LRRFIP1: variants seen among roughly 807,000 people sequenced by gnomAD.
The protein encoded by LRRFIP1 is LRR binding FLII interacting protein 1, also known as leucine-rich repeat flightless-interacting protein 1.
LRRFIP1 carries 62 observed loss-of-function variants against 104.4 expected under a neutral mutation model. The observed-to-expected ratio is 0.59, with a 90% CI of 0.48 to 0.73. LRRFIP1 has a LOEUF of 0.73. LRRFIP1 is among the 30% of genes least tolerant of loss of function. LRRFIP1 has a pLI of 0.00. For synonymous variants in LRRFIP1, 300 were observed against 299.0 expected, an observed-to-expected ratio of 1.00 and a Z score of -0.03; for missense variants, 796 against 824.5, an observed-to-expected ratio of 0.97 and a Z score of 0.42.
At chr2:237,723,526 T>C (rs759539452) in intron 6 of LRRFIP1, 22 bp from the exon 7 acceptor site, 8 of 1,613,338 alleles carry the variant, frequency 5.0e-6, no homozygotes, top group South Asian at 1.1e-5. Flanking sequence ...GTTTTTTTTT[T>C]CTGCCATCTT....
intron 11 of LRRFIP1, among the ~76,000 whole-genome samples, chr2:237,746,438 A>G (rs961527047): frequency 2.6e-5 from 4 of 152,110 alleles, no homozygotes; most frequent in East Asian, 3.9e-4. Context: ...AATTGCTCCA[A>G]TCATCCTCAC....
At chr2:237,632,486 C>A (rs2082524009) in intron 1 of LRRFIP1, among the ~76,000 whole-genome samples, 1 of 152,248 alleles carries the variant, frequency 6.6e-6, no homozygotes, top group South Asian at 2.1e-4. Flanking sequence ...ATGGGCTCTG[C>A]TTCTGGAACC....
rs540233916 is a variant in LRRFIP1, at chr2:237,637,238, C to T, written c.96+9498C>T. 1.2e-4 allele frequency among the ~76,000 whole-genome samples: 18 copies of T among 152,288 alleles called. No homozygotes were observed. In the East Asian group the frequency reaches 2.7e-3, roughly 23 times the overall value. ...ATCCCAGCACTTTGGGAGACCAAGG[C>T]GGGTGGATCACCTGAGGTCAGATGT... is the stretch of plus-strand genomic sequence containing the variant. On this transcript the variant is annotated intron_variant, in intron 1 of 23. Transcript: ENST00000308482.
At chr2:237,689,061 A>G (rs1431046794) in intron 1 of LRRFIP1, among the ~76,000 whole-genome samples, 1 of 151,938 alleles carries the variant, frequency 6.6e-6, no homozygotes, top group South Asian at 2.1e-4. Flanking sequence ...GAAAAAAAAA[A>G]AAAAGACTGG....
chr2:237,655,825 G>T (rs2086725718), intron 1 of LRRFIP1, among the ~76,000 whole-genome samples: 1 of 152,236 alleles, frequency 6.6e-6, no homozygotes, highest in South Asian at 2.1e-4. Flanking sequence ...CCTCAATGGA[G>T]ATAATTAAAG....
chr2:237,739,630 G>A (rs978344653), intron 11 of LRRFIP1, among the ~76,000 whole-genome samples: 18 of 152,228 alleles, frequency 1.2e-4, no homozygotes, highest in East Asian at 7.7e-4. Context: ...ATCAGACCCC[G>A]ACAGTGTTTA....
chr2:237,641,993 C>T (rs925109241), intron 1 of LRRFIP1, among the ~76,000 whole-genome samples: 9 of 152,118 alleles, frequency 5.9e-5, no homozygotes, highest in African/African-American at 4.8e-5. Flanking sequence ...GGAGACACTT[C>T]GCACACCCAT....
chr2:237,701,244 C>A (rs1177972707), intron 1 of LRRFIP1, among the ~76,000 whole-genome samples: 2 of 152,162 alleles, frequency 1.3e-5, no homozygotes, highest in Non-Finnish European at 2.9e-5. Context: ...TTTGAGGAGA[C>A]CACATGATGA....
At chr2:237,756,675 T>G (rs1188929408) in intron 16 of LRRFIP1, among the ~76,000 whole-genome samples, 1 of 152,238 alleles carries the variant, frequency 6.6e-6, no homozygotes, top group Non-Finnish European at 1.5e-5. Flanking sequence ...ATCCCTAGAT[T>G]TACGAAACAG....
rs2082060112 is a variant in LRRFIP1 at position 237,629,552 on chromosome 2, A to G, written c.96+1812A>G. On this transcript the variant is annotated intron_variant, in intron 1 of 23. Transcript: ENST00000308482. ...AGTGGTATGATCTCGGCTCACTGCA[A>G]CCTCCACCTCCCAGGCTCAAGAGAT... Among the ~76,000 whole-genome samples the G allele has an allele frequency of 1.4e-5, 2 of 143,050 alleles. 1 individual carries two copies. Among genetic ancestry groups the G allele is most frequent in the South Asian group, 4.4e-4 (2 of 4,514 alleles). The allele number at this position is 143,050 out of a possible 152,430, so 93.8% of individuals were successfully genotyped here.
intron 1 of LRRFIP1, among the ~76,000 whole-genome samples, chr2:237,687,034 T>C (rs1448220377): frequency 6.6e-6 from 1 of 152,244 alleles, no homozygotes; most frequent in Non-Finnish European, 1.5e-5. Flanking sequence ...CTTTCTGCTC[T>C]GAGTGAGGCC....
At position 237,661,335 on chromosome 2, in the gene LRRFIP1, G is replaced by A. The variant is rs560653888; in HGVS notation, c.96+33595G>A. 6.6e-6 allele frequency among the ~76,000 whole-genome samples: 1 copy of A among 152,282 alleles called. No homozygotes were observed. Among genetic ancestry groups the A allele is most frequent in the Admixed American group, 6.5e-5 (1 of 15,304 alleles). On this transcript the variant is annotated intron_variant, in intron 1 of 23. Transcript: ENST00000308482. This position sits in a 1 kb window ranked among gnomAD's most constrained non-coding sequence, Gnocchi z 4.4. ...GGCCACATAATGGAGGCTGGACTGTGTGTCCAGTCCACCCAGATGCCACCA... is the reference window on the plus strand; with the variant it reads ...GGCCACATAATGGAGGCTGGACTGTATGTCCAGTCCACCCAGATGCCACCA...
At chr2:237,775,760 C>T (rs1353982689) in intron 23 of LRRFIP1, among the ~76,000 whole-genome samples, 1 of 151,976 alleles carries the variant, frequency 6.6e-6, no homozygotes, top group Non-Finnish European at 1.5e-5. Flanking sequence ...ATTGCTTGAG[C>T]CTGGGAGGTG....
At chr2:237,758,405 G>T (rs7575941) in intron 17 of LRRFIP1, among the ~76,000 whole-genome samples, 14,433 of 152,172 alleles carry the variant, frequency 0.095, 1,198 homozygotes, top group African/African-American at 0.22. Context: ...GAGACTTTGC[G>T]TAACTCTAAC....
intron 1 of LRRFIP1, among the ~76,000 whole-genome samples, chr2:237,664,556 G>T (rs775166547): frequency 2.6e-5 from 4 of 152,198 alleles, no homozygotes; most frequent in Non-Finnish European, 4.4e-5. Context: ...AAGACTGAAT[G>T]GACTTTTTTT....
At chr2:237,675,960 A>G (rs933201272) in intron 1 of LRRFIP1, among the ~76,000 whole-genome samples, 1 of 152,264 alleles carries the variant, frequency 6.6e-6, no homozygotes, top group African/African-American at 2.4e-5. Flanking sequence ...AACTTTGACC[A>G]TAATTTTATT....
At chr2:237,763,126 T>C (rs767189888) in intron 19 of LRRFIP1, 2 of 1,613,914 alleles carry the variant, frequency 1.2e-6, no homozygotes, top group African/African-American at 1.3e-5. Context: ...CAGGGCATAG[T>C]TTAGAGAAAG....
chr2:237,757,484 C>T lies in LRRFIP1; in HGVS notation c.1160C>T (p.Ala387Val), dbSNP rs879597788. ...EEIRQLQQKQ[A>V]SSIREISDLQ... ...ATCCGACAGCTACAGCAGAAACAGG[C>T]GAGTTCTATCAGGGAGATTTCTGAT... The change falls in exon 17 of 24, where the codon GCG becomes GTG. Residue 387 changes from alanine to valine, a missense_variant. Ala to Val is a moderately conservative substitution (Grantham distance 64). Coordinates refer to ENST00000308482, the MANE Select transcript of LRRFIP1 (RefSeq NM_001137550.2). 12 of 1,595,872 alleles carry T rather than the reference C, an allele frequency of 7.5e-6. No individual in the cohort carries two copies. The highest frequency in any genetic ancestry group is 3.4e-5 in the South Asian group (3 of 87,394).
intron 23 of LRRFIP1, among the ~76,000 whole-genome samples, chr2:237,775,677 C>T (rs887058429): frequency 3.3e-5 from 5 of 151,950 alleles, no homozygotes; most frequent in African/African-American, 1.2e-4. Flanking sequence ...ACATAAAGTG[C>T]AAAAAAACTA....
Sources: gnomAD v4.1 joint callset for allele counts (sites outside exome capture counted in the v4.1 genomes callset) on GRCh38, gnomAD v4.1.1 for gene constraint, Gnocchi (gnomAD v3.1) non-coding constraint, MANE v1.5 for transcripts, NCBI Gene and HGNC (gene_info 2026-07-23, HGNC 2026-07-21) for gene names.